LINGO2: variants seen among roughly 807,000 people sequenced by gnomAD.
LINGO2 encodes the protein leucine rich repeat and Ig domain containing 2, also known as leucine-rich repeat and immunoglobulin-like domain-containing nogo receptor-interacting protein 2.
In LINGO2, 14 loss-of-function variants were observed where a neutral mutation model predicts 30.6. That is an observed-to-expected ratio of 0.46 (90% CI 0.30 to 0.72). LINGO2 has a LOEUF of 0.72. Ranked by LOEUF, LINGO2 falls within the 30% of genes least tolerant of loss-of-function variation. LINGO2 has a pLI of 0.07. For missense variants in LINGO2, 729 were observed against 751.7 expected (o/e 0.97, Z 0.35); for synonymous variants, 317 against 288.5 (o/e 1.10, Z -1.00).
At chr9:28,582,778 C>G (rs1306787150) in intron 1 of LINGO2, among the ~76,000 whole-genome samples, 1 of 152,084 alleles carries the variant, frequency 6.6e-6, no homozygotes, top group Non-Finnish European at 1.5e-5. Context: ...TTTGCATTAG[C>G]TGTCAAGTTA....
chr9:28,558,564 C>T (rs1057120812), intron 1 of LINGO2, among the ~76,000 whole-genome samples: 1 of 151,994 alleles, frequency 6.6e-6, no homozygotes, highest in African/African-American at 2.4e-5. Flanking sequence ...AAAAGCAACA[C>T]AGAAGTCTAA....
At chr9:29,081,744 C>G in the LINGO2 span, among the ~76,000 whole-genome samples, 1 of 152,126 alleles carries the variant, frequency 6.6e-6, no homozygotes, top group Non-Finnish European at 1.5e-5. Context: ...TCTGAGGATA[C>G]AAAATCAATG....
intron 1 of LINGO2, among the ~76,000 whole-genome samples, chr9:28,482,626 T>C (rs191048054): frequency 6.7e-4 from 102 of 152,264 alleles, no homozygotes; most frequent in African/African-American, 2.4e-3. Flanking sequence ...CTCTTTAGTT[T>C]AATTAGATCC....
chr9:28,551,880 T>A (rs1822303863), intron 1 of LINGO2, among the ~76,000 whole-genome samples: 1 of 152,092 alleles, frequency 6.6e-6, no homozygotes. Flanking sequence ...TGGTTGCATA[T>A]GCAATTTTTA....
the LINGO2 span, among the ~76,000 whole-genome samples, chr9:28,687,897 C>T: frequency 6.6e-6 from 1 of 151,868 alleles, no homozygotes; most frequent in African/African-American, 2.4e-5. Flanking sequence ...ACGATTATAC[C>T]CAAATCACAA....
chr9:28,757,752 G>A, the LINGO2 span, among the ~76,000 whole-genome samples: 38 of 152,070 alleles, frequency 2.5e-4, no homozygotes, highest in East Asian at 7.2e-3. Context: ...GGTGGGAGGG[G>A]TGAGGGAGAG....
At chr9:28,951,475 T>C in the LINGO2 span, among the ~76,000 whole-genome samples, 1 of 152,124 alleles carries the variant, frequency 6.6e-6, no homozygotes, top group African/African-American at 2.4e-5. Flanking sequence ...GCAATCATCC[T>C]GCACCCTGTC....
the LINGO2 span, among the ~76,000 whole-genome samples, chr9:28,747,243 G>C: frequency 2.0e-5 from 3 of 151,958 alleles, no homozygotes; most frequent in Non-Finnish European, 4.4e-5. Context: ...ATGCTGAGAG[G>C]AGTTTGGCTG....
chr9:28,926,274 A>T, the LINGO2 span, among the ~76,000 whole-genome samples: 1 of 152,176 alleles, frequency 6.6e-6, no homozygotes, highest in African/African-American at 2.4e-5. Flanking sequence ...AGATCGTGCC[A>T]CTGCACTCCA....
intron 5 of LINGO2, among the ~76,000 whole-genome samples, chr9:28,008,833 TGCC>T (rs1470130623): frequency 3.3e-5 from 5 of 151,782 alleles, no homozygotes; most frequent in Non-Finnish European, 7.4e-5. Context: ...AAGATGACAG[TGCC>T]CACCAAAGTG....
At chr9:28,131,312 G>C (rs1587050280) in intron 4 of LINGO2, among the ~76,000 whole-genome samples, 1 of 152,058 alleles carries the variant, frequency 6.6e-6, no homozygotes, top group Non-Finnish European at 1.5e-5. Context: ...TGGATCTTTG[G>C]GGTCTGTTAA....
chr9:28,188,782 C>T (rs1478329361), intron 4 of LINGO2, among the ~76,000 whole-genome samples: 2 of 152,262 alleles, frequency 1.3e-5, no homozygotes, highest in African/African-American at 4.8e-5. Flanking sequence ...GCTATTCCTA[C>T]TGTCATGGGT....
chr9:27,967,796 G>T (rs969119192), intron 5 of LINGO2, among the ~76,000 whole-genome samples: 2 of 152,050 alleles, frequency 1.3e-5, no homozygotes, highest in East Asian at 1.9e-4. Context: ...TCCTTTTCCA[G>T]ATACAGCTGC....
the LINGO2 span, among the ~76,000 whole-genome samples, chr9:29,108,223 T>C: frequency 1.3e-5 from 2 of 152,266 alleles, no homozygotes; most frequent in South Asian, 2.1e-4. Flanking sequence ...CAACATAATC[T>C]TGACATAATA....
chr9:28,982,989 C>A, the LINGO2 span, among the ~76,000 whole-genome samples: 1 of 151,118 alleles, frequency 6.6e-6, no homozygotes, highest in Non-Finnish European at 1.5e-5. Context: ...TTTTTTAATG[C>A]CATTTCTCGC....
the LINGO2 span, among the ~76,000 whole-genome samples, chr9:29,142,831 C>T: frequency 4.6e-5 from 7 of 151,754 alleles, no homozygotes; most frequent in Non-Finnish European, 7.4e-5. Flanking sequence ...AAATAAAAAG[C>T]GTCCATTGAG....
At chr9:28,474,836 T>A (rs1333190198) in intron 2 of LINGO2, among the ~76,000 whole-genome samples, 1 of 152,206 alleles carries the variant, frequency 6.6e-6, no homozygotes, top group Non-Finnish European at 1.5e-5. Flanking sequence ...GTCTGCACCA[T>A]GAGGATTATG....
In LINGO2 at chr9:28,651,316, A is replaced by G. The variant is rs570854936; in HGVS notation, c.-365+18884T>C. ...TTCACACAGAATATACTGTTATAGC[A>G]CTTTTTGAGCAGGGGAAGGCAGAGT... On this transcript the variant is annotated intron_variant, in intron 1 of 5. Transcript: ENST00000379992. Among the ~76,000 whole-genome samples the G allele has an allele frequency of 4.2e-4, 64 of 152,242 alleles. No homozygotes were observed. In the South Asian group the frequency reaches 5.6e-3, roughly 13 times the overall value.
chr9:28,315,983 C>A (rs1011867292), intron 3 of LINGO2, among the ~76,000 whole-genome samples: 12 of 152,140 alleles, frequency 7.9e-5, no homozygotes, highest in Non-Finnish European at 1.6e-4. Flanking sequence ...TTATCACTTA[C>A]CTATGTGATT....
Sources: gnomAD v4.1 joint callset for allele counts (sites outside exome capture counted in the v4.1 genomes callset) on GRCh38, gnomAD v4.1.1 for gene constraint, MANE v1.5 for transcripts, NCBI Gene and HGNC (gene_info 2026-07-23, HGNC 2026-07-21) for gene names.